The following BCL2L11 variants were observed in gnomAD, a reference collection of about 807,000 sequenced individuals.
BCL2L11 encodes the protein bcl-2-like protein 11.
Under a neutral mutation model 20.6 loss-of-function variants are expected in BCL2L11, and 15 were observed. The ratio of observed to expected loss-of-function variants is 0.73; its 90% CI spans 0.49 to 1.12. The LOEUF is 1.12. Ranked by LOEUF, BCL2L11 falls within the 50% of genes most tolerant of loss-of-function variation. The probability of loss-of-function intolerance (pLI) is 0.00; values close to 1 mark genes in which losing one functional copy is unlikely to be tolerated. For synonymous variants in BCL2L11, 108 were observed against 92.8 expected, an observed-to-expected ratio of 1.16 and a Z score of -0.94; for missense variants, 292 against 260.9, an observed-to-expected ratio of 1.12 and a Z score of -0.82.
chr2:111,136,090 T>C lies in BCL2L11; in HGVS notation c.394+11951T>C, dbSNP rs142288173. On this transcript the variant is annotated intron_variant, in intron 2 of 3. Coordinates refer to ENST00000393256, the MANE Select transcript of BCL2L11 (RefSeq NM_138621.5). ...TGTGGGGCTGCTGCCAGGGGCGTTG[T>C]GGTTTTCCCGTTGCTGTTTGGCTAG... Among the ~76,000 whole-genome samples, 4 of 152,268 alleles carry C rather than the reference T, an allele frequency of 2.6e-5. No homozygotes were observed. The East Asian group carries it at 7.7e-4, about 29-fold the overall frequency.
At chr2:111,125,937 A>G (rs374195133) in intron 2 of BCL2L11, among the ~76,000 whole-genome samples, 1 of 152,162 alleles carries the variant, frequency 6.6e-6, no homozygotes, top group Non-Finnish European at 1.5e-5. Flanking sequence ...TTACTATAAC[A>G]TCCTTGCTTA....
chr2:111,143,019 A>G (rs2076054753), intron 2 of BCL2L11, among the ~76,000 whole-genome samples: 1 of 152,222 alleles, frequency 6.6e-6, no homozygotes, highest in Admixed American at 6.5e-5. Context: ...TCGTCAGTAG[A>G]AAAAATATAG....
intron 2 of BCL2L11, among the ~76,000 whole-genome samples, chr2:111,141,887 G>A (rs1246789348): frequency 6.6e-6 from 1 of 152,026 alleles, no homozygotes; most frequent in Non-Finnish European, 1.5e-5. Context: ...TTTTAGTAGA[G>A]ACAGGTTTTC....
intron 2 of BCL2L11, among the ~76,000 whole-genome samples, chr2:111,124,523 C>T (rs2072076817): frequency 6.6e-6 from 1 of 152,160 alleles, no homozygotes; most frequent in Admixed American, 6.5e-5. Flanking sequence ...ATCTCCTGAC[C>T]TTGTAATCTG....
chr2:111,131,702 C>G (rs1574964962), intron 2 of BCL2L11: 1 of 152,018 alleles, frequency 6.6e-6, no homozygotes, highest in African/African-American at 2.4e-5. Flanking sequence ...ATTGTTTTCT[C>G]AGAAAGAAAC....
Position 111,164,240 on chromosome 2 carries a change from T to C in BCL2L11, c.*9T>C. Reference sequence around the variant, plus strand: ...TGTGGAGAATGCATTGACAGGTTCTTTGCGGAGCCGAGATACCATGCAGAC... The same window carrying C: ...TGTGGAGAATGCATTGACAGGTTCTCTGCGGAGCCGAGATACCATGCAGAC... On this transcript the variant is annotated 3_prime_UTR_variant, in exon 4 of 4. Transcript: ENST00000393256. The C allele has an allele frequency of 6.3e-7, 1 of 1,587,890 alleles. No individual in the cohort carries two copies. Among genetic ancestry groups the C allele is most frequent in the African/African-American group, 1.3e-5 (1 of 74,522 alleles).
At chr2:111,142,849 G>A (rs548656925) in intron 2 of BCL2L11, among the ~76,000 whole-genome samples, 1 of 152,204 alleles carries the variant, frequency 6.6e-6, no homozygotes, top group African/African-American at 2.4e-5. Flanking sequence ...GCCCAGATCT[G>A]GTTTTTTGGC....
intron 2 of BCL2L11, among the ~76,000 whole-genome samples, chr2:111,139,326 G>A (rs1326709606): frequency 2.6e-5 from 4 of 152,134 alleles, no homozygotes; most frequent in South Asian, 2.1e-4. Context: ...TGCTGGAGAC[G>A]GCCCATTTGA....
rs1416206844 is a variant in BCL2L11, at chr2:111,120,952, G to A, written c.-250G>A. 8.1e-6 allele frequency: 3 copies of A among 369,888 alleles called. No homozygotes were observed. Among genetic ancestry groups the A allele is most frequent in the East Asian group, 1.1e-4 (2 of 18,256 alleles). 22.9% of individuals were successfully genotyped at this position (369,888 alleles called of 1,614,324 possible). ...CAGCCGCCTGGTCTGCAGTTTGTTGGAGCTCTGCGTCCAGCGCCGCTGCCG... is the reference window on the plus strand; with the variant it reads ...CAGCCGCCTGGTCTGCAGTTTGTTGAAGCTCTGCGTCCAGCGCCGCTGCCG... On this transcript the variant is annotated 5_prime_UTR_variant, in exon 1 of 4. Coordinates refer to ENST00000393256, the MANE Select transcript of BCL2L11 (RefSeq NM_138621.5).
rs546134766 is a variant in BCL2L11 at position 111,164,338 on chromosome 2, T to C, written c.*107T>C. 1.2e-5 allele frequency: 10 copies of C among 825,018 alleles called. No individual in the cohort carries two copies. The East Asian group carries it at 2.5e-4, about 21-fold the overall frequency. 51.1% of individuals were successfully genotyped at this position (825,018 alleles called of 1,614,324 possible). A position where few individuals can be genotyped will look rare whatever the true frequency, so the allele number is the denominator to read the frequency against. ...GCCATTATTATGCAGCCAGCGGTTC[T>C]CTTGTGGAGGGGGCAGGTGACGTTT... On this transcript the variant is annotated 3_prime_UTR_variant, in exon 4 of 4. Transcript: ENST00000393256.
intron 2 of BCL2L11, chr2:111,128,632 A>C (rs945409882): frequency 6.7e-7 from 1 of 1,496,842 alleles, no homozygotes; most frequent in African/African-American, 1.5e-5. Flanking sequence ...AACAGTAGTC[A>C]TCCTAGAGGA....
At chr2:111,141,921 G>A (rs1290957394) in intron 2 of BCL2L11, among the ~76,000 whole-genome samples, 1 of 152,044 alleles carries the variant, frequency 6.6e-6, no homozygotes, top group East Asian at 1.9e-4. Flanking sequence ...GGCTGGTCTT[G>A]AACTCCTGAC....
At chr2:111,156,897 A>G (rs111334247) in intron 3 of BCL2L11, among the ~76,000 whole-genome samples, 35 of 152,314 alleles carry the variant, frequency 2.3e-4, no homozygotes, top group East Asian at 1.5e-3. Context: ...ACATTTTTCA[A>G]TGGGTCTTCG....
chr2:111,128,396 A>G (rs1172569582), intron 2 of BCL2L11, among the ~76,000 whole-genome samples: 1 of 152,084 alleles, frequency 6.6e-6, no homozygotes, highest in East Asian at 1.9e-4. Context: ...TAGTGCTGCT[A>G]TGAACATGGG....
At chr2:111,150,881 C>T (rs749177164) in intron 3 of BCL2L11, among the ~76,000 whole-genome samples, 1 of 133,448 alleles carries the variant, frequency 7.5e-6, no homozygotes, top group Non-Finnish European at 1.6e-5. Context: ...ACATGGGACA[C>T]TTTTGTTTGT....
chr2:111,161,337 T>G, intron 3 of BCL2L11: 10 of 1,492,922 alleles, frequency 6.7e-6, no homozygotes, highest in Non-Finnish European at 9.1e-6. Context: ...TAAAAAACGC[T>G]TGTAATCAGG....
At chr2:111,146,260 A>G in intron 2 of BCL2L11, 1 of 974,572 alleles carries the variant, frequency 1.0e-6, no homozygotes, top group Non-Finnish European at 1.2e-6. Flanking sequence ...AAGAGCTTTC[A>G]TTTCAAATAA....
At chr2:111,148,367 G>A (rs2076832620) in intron 2 of BCL2L11, among the ~76,000 whole-genome samples, 1 of 152,104 alleles carries the variant, frequency 6.6e-6, no homozygotes, top group Non-Finnish European at 1.5e-5. Context: ...TTCTAAATCA[G>A]GGAAAGAACA....
At chr2:111,140,233 G>A (rs2075589561) in intron 2 of BCL2L11, among the ~76,000 whole-genome samples, 1 of 152,054 alleles carries the variant, frequency 6.6e-6, no homozygotes, top group Non-Finnish European at 1.5e-5. Flanking sequence ...CCTTTCTTAG[G>A]AGTGAGATGG....
Sources: gnomAD v4.1 joint callset for allele counts (sites outside exome capture counted in the v4.1 genomes callset) on GRCh38, gnomAD v4.1.1 for gene constraint, MANE v1.5 for transcripts, NCBI Gene and HGNC (gene_info 2026-07-23, HGNC 2026-07-21) for gene names.